The following ARHGEF16 variants were observed in gnomAD, a reference collection of about 807,000 sequenced individuals.
ARHGEF16 encodes the protein Rho guanine nucleotide exchange factor 16.
ARHGEF16 carries 59 observed loss-of-function variants against 74.1 expected under a neutral mutation model. The observed-to-expected ratio is 0.80, with a 90% CI of 0.65 to 0.99. The LOEUF (loss-of-function observed/expected upper bound fraction) is 0.99, where lower values mean the gene tolerates loss of function less well. Among genes scored for constraint, ARHGEF16 ranks in the 50% least tolerant of loss-of-function variants. The probability of loss-of-function intolerance (pLI) is 0.00; values close to 1 mark genes in which losing one functional copy is unlikely to be tolerated. For synonymous variants in ARHGEF16, 415 were observed against 412.6 expected (o/e 1.01, Z -0.07); for missense variants, 948 against 986.6 (o/e 0.96, Z 0.52).
chr1:3,479,868 A>T lies in ARHGEF16; in HGVS notation c.1945A>T (p.Thr649Ser), dbSNP rs767411536. The change falls in exon 14 of 15, where the codon ACA becomes TCA. Residue 649 changes from threonine to serine, a missense_variant. Transcript: ENST00000378378. ...CTTCGCGAAGCAAGCAGACGAGGTCACACTGCAGCAGGCGGACGTGGTCCT... is the reference window on the plus strand; with the variant it reads ...CTTCGCGAAGCAAGCAGACGAGGTCTCACTGCAGCAGGCGGACGTGGTCCT... The part of the protein sequence containing the change: ...AFFAKQADEV[T>S]LQQADVVLVL... 6.2e-7 allele frequency: 1 copy of T among 1,612,402 alleles called. No homozygotes were observed. Among genetic ancestry groups the T allele is most frequent in the African/African-American group, 1.3e-5 (1 of 75,042 alleles).
At chr1:3,468,298 C>T (rs995670701) in intron 4 of ARHGEF16, among the ~76,000 whole-genome samples, 8 of 152,192 alleles carry the variant, frequency 5.3e-5, no homozygotes, top group Non-Finnish European at 7.3e-5. Flanking sequence ...GAGCAGAGCA[C>T]GAATCAGGGT....
chr1:3,457,917 C>G (rs1360540772), intron 1 of ARHGEF16, among the ~76,000 whole-genome samples: 1 of 152,162 alleles, frequency 6.6e-6, no homozygotes, highest in Non-Finnish European at 1.5e-5. Context: ...CATGGGAGGT[C>G]CTTTCCAGCC....
chr1:3,475,941 G>C (rs1372581352), intron 9 of ARHGEF16, 29 bp from the exon 10 acceptor site: 23 of 1,543,252 alleles, frequency 1.5e-5, no homozygotes, highest in Admixed American at 9.9e-5. Context: ...TGTAGCACCA[G>C]CCTCTCACAC....
At chr1:3,471,760 G>A in intron 6 of ARHGEF16, 1 of 1,187,168 alleles carries the variant, frequency 8.4e-7, no homozygotes, top group Non-Finnish European at 1.1e-6. Context: ...GGCATTCACA[G>A]TGAACTGTCT....
intron 14 of ARHGEF16, among the ~76,000 whole-genome samples, 161 bp from the exon 15 acceptor site, chr1:3,480,287 G>A (rs1640019590): frequency 6.6e-6 from 1 of 152,200 alleles, no homozygotes; most frequent in East Asian, 1.9e-4. Flanking sequence ...TGGGTGCCCG[G>A]TGACCATGAG....
chr1:3,466,567 G>A (rs747453388), intron 3 of ARHGEF16, among the ~76,000 whole-genome samples: 13 of 152,180 alleles, frequency 8.5e-5, no homozygotes, highest in Non-Finnish European at 1.5e-4. Context: ...ACTCTTCGAG[G>A]CTGAAGGGGA....
chr1:3,461,654 G>A (rs903960394), intron 1 of ARHGEF16, among the ~76,000 whole-genome samples: 1 of 152,150 alleles, frequency 6.6e-6, no homozygotes, highest in Non-Finnish European at 1.5e-5. Flanking sequence ...CGCTGTGGCC[G>A]AGCAATGCGC....
At chr1:3,477,697 G>C (rs1019536880) in intron 10 of ARHGEF16, among the ~76,000 whole-genome samples, 178 bp from the exon 11 acceptor site, 1 of 151,968 alleles carries the variant, frequency 6.6e-6, no homozygotes, top group Non-Finnish European at 1.5e-5. Flanking sequence ...CGGACACATT[G>C]TGCCCCTTTC....
chr1:3,474,659 C>T, intron 8 of ARHGEF16, 49 bp from the exon 9 acceptor site: 2 of 1,571,246 alleles, frequency 1.3e-6, no homozygotes, highest in South Asian at 1.1e-5. Flanking sequence ...AGCCTCCACA[C>T]CTGGGATGCC....
chr1:3,463,493 G>A lies in ARHGEF16; in HGVS notation c.409G>A (p.Val137Met), dbSNP rs3806164. 59,260 of 1,513,058 alleles carry A rather than the reference G, an allele frequency of 0.039. 1,883 individuals are homozygous for A. Among genetic ancestry groups the A allele is most frequent in the East Asian group, 0.14 (5,625 of 40,542 alleles). 93.7% of individuals were successfully genotyped at this position (1,513,058 alleles called of 1,614,324 possible). Residue 137 changes from valine (V) to methionine (M), a missense_variant, in exon 2 of 15, where the codon GTG becomes ATG. By Grantham distance (21) the Val-to-Met change is conservative. Coordinates refer to ENST00000378378, the MANE Select transcript of ARHGEF16 (RefSeq NM_014448.4). ...CAGCTTCTCCCTGGATGACATGGAC[G>A]TGGACAAGGACCCCGGGGGCATGCT... is the stretch of plus-strand genomic sequence containing the variant. ...APSFSLDDMD[V>M]DKDPGGMLRR...
chr1:3,471,198 A>T (rs1639712719), intron 6 of ARHGEF16, among the ~76,000 whole-genome samples: 1 of 151,814 alleles, frequency 6.6e-6, no homozygotes, highest in South Asian at 2.1e-4. Context: ...ATGCAGGAGG[A>T]CCCCGGAGCA....
intron 1 of ARHGEF16, among the ~76,000 whole-genome samples, chr1:3,455,391 G>A (rs76910657): frequency 0.022 from 3,379 of 152,206 alleles, 126 homozygotes; most frequent in African/African-American, 0.076. Context: ...GCGGTGGCAG[G>A]GAGGGACCTG....
chr1:3,462,536 C>T (rs1639424944), intron 1 of ARHGEF16, among the ~76,000 whole-genome samples: 1 of 152,202 alleles, frequency 6.6e-6, no homozygotes, highest in Admixed American at 6.5e-5. Context: ...GCCGCTGTGG[C>T]TGATGCCGGC....
Position 3,473,450 on chromosome 1 carries a change from CG to C in ARHGEF16, c.1238del (p.Gly413AlafsTer8). On this transcript the variant is annotated frameshift_variant, in exon 8 of 15. Transcript: ENST00000378378. LOFTEE classifies it high-confidence loss of function. ...GAGAGATTGAGAGGCGGCCGGCGTG[CG>C]GGGGCCTGCCCATGCTCTCCTTCCT... ...LREIERRPAC[G>X]GLPMLSFLIL... 6.2e-7 allele frequency: 1 copy of C among 1,612,532 alleles called. No homozygotes were observed. Among genetic ancestry groups the C allele is most frequent in the Non-Finnish European group, 8.5e-7 (1 of 1,179,950 alleles).
chr1:3,468,592 C>G (rs147622233), intron 4 of ARHGEF16: 65 of 465,382 alleles, frequency 1.4e-4, no homozygotes, highest in African/African-American at 9.7e-4. Context: ...AAGATCCCCC[C>G]CCGCCCTCTG....
At chr1:3,472,083 G>T (rs899771277) in intron 6 of ARHGEF16, among the ~76,000 whole-genome samples, 20 of 152,200 alleles carry the variant, frequency 1.3e-4, no homozygotes, top group African/African-American at 7.2e-5. Flanking sequence ...AGGGACTCCC[G>T]CCCACCTCCA....
At chr1:3,458,769 G>A (rs1224616688) in intron 1 of ARHGEF16, among the ~76,000 whole-genome samples, 4 of 152,196 alleles carry the variant, frequency 2.6e-5, no homozygotes, top group Non-Finnish European at 2.9e-5. Flanking sequence ...AGCAGCCAGC[G>A]ACAGAAAGAA....
At position 3,473,655 on chromosome 1, in the gene ARHGEF16, C is replaced by G. The variant is rs12563698; in HGVS notation, c.1305+133C>G. ...TTGGCCTATGATATTGTAATAGTTA[C>G]GATCCTAAGATGGCTTTATTAACCA... On this transcript the variant is annotated intron_variant, in intron 8 of 14. Coordinates refer to ENST00000378378, the MANE Select transcript of ARHGEF16 (RefSeq NM_014448.4). 3,389 of 1,429,818 alleles carry G rather than the reference C, an allele frequency of 2.4e-3. 58 individuals are homozygous for G. The East Asian group carries it at 0.043, about 18-fold the overall frequency. 88.6% of individuals were successfully genotyped at this position (1,429,818 alleles called of 1,614,324 possible).
rs1639638206 is a variant in ARHGEF16, at chr1:3,469,334, C to T, written c.862-99C>T. 4.2e-6 allele frequency: 6 copies of T among 1,435,262 alleles called. No homozygotes were observed. The Admixed American group carries it at 5.6e-5, about 13-fold the overall frequency. The allele number at this position is 1,435,262 out of a possible 1,614,324, so 88.9% of individuals were successfully genotyped here. A position where few individuals can be genotyped will look rare whatever the true frequency, so the allele number is the denominator to read the frequency against. ...TCTGGGGTTCCTGTCCCCACCTGCC[C>T]CTGCCACCCGGGTCACGTCCTCCTG... On this transcript the variant is annotated intron_variant, in intron 5 of 14. Coordinates refer to ENST00000378378, the MANE Select transcript of ARHGEF16 (RefSeq NM_014448.4).
Sources: allele counts gnomAD v4.1 joint callset (sites outside exome capture counted in the v4.1 genomes callset), GRCh38; gene constraint gnomAD v4.1.1; transcripts MANE v1.5; gene names NCBI Gene and HGNC (gene_info 2026-07-23, HGNC 2026-07-21).